SCAMP2: variants seen among roughly 807,000 people sequenced by gnomAD.
SCAMP2 encodes secretory carrier membrane protein 2.
SCAMP2 carries 25 observed loss-of-function variants against 44.1 expected under a neutral mutation model. The observed-to-expected ratio is 0.57, with a 90% confidence interval of 0.41 to 0.79. SCAMP2 has a LOEUF of 0.79. Among genes scored for constraint, SCAMP2 ranks in the 30% least tolerant of loss-of-function variants. The probability of loss-of-function intolerance (pLI) is 0.00; values close to 1 mark genes in which losing one functional copy is unlikely to be tolerated. For synonymous variants in SCAMP2, 156 were observed against 166.0 expected (o/e 0.94, Z 0.46); for missense variants, 355 against 411.0 (o/e 0.86, Z 1.18).
In SCAMP2 at chr15:74,853,121, G is replaced by A. The variant is rs974041138; in HGVS notation, c.225+900C>T. 21 of 295,980 alleles carry A rather than the reference G, an allele frequency of 7.1e-5. No homozygotes were observed. In the Admixed American group the frequency reaches 8.2e-4, roughly 12 times the overall value. The allele number at this position is 295,980 out of a possible 1,614,324, so 18.3% of individuals were successfully genotyped here. On this transcript the variant is annotated intron_variant, in intron 3 of 8. Coordinates refer to ENST00000268099, the MANE Select transcript of SCAMP2 (RefSeq NM_005697.5). ...GGCTGACGTGGAGAGCCAAGTTTCA[G>A]GCACTGGGGGCGGAAGCAGGAGCAG...
At position 74,845,514 on chromosome 15, in the gene SCAMP2, A is replaced by G; in HGVS notation, c.814T>C (p.Phe272Leu). 1.2e-6 allele frequency: 2 copies of G among 1,614,172 alleles called. No homozygotes were observed. The highest frequency in any genetic ancestry group is 1.7e-6 in the Non-Finnish European group (2 of 1,180,032). The change falls in exon 8 of 9, where the codon TTC (phenylalanine) becomes CTC (leucine). Residue 272 changes from phenylalanine to leucine, a missense_variant. Transcript: ENST00000268099. ...ACTGAGAGCACGGCACAGAGGGTGA[A>G]GAAGCCAGCCACCACCATCATGATG... ...SVIMMVVAGF[F>L]TLCAVLSVFL...
At chr15:74,853,801 T>A (rs1395351280) in intron 3 of SCAMP2, 4 of 583,182 alleles carry the variant, frequency 6.9e-6, no homozygotes, top group African/African-American at 1.9e-5. Context: ...TAGAGCTTAT[T>A]TCTCAGTGGT....
chr15:74,865,625 G>C (rs189375010), intron 1 of SCAMP2, among the ~76,000 whole-genome samples: 1 of 151,796 alleles, frequency 6.6e-6, no homozygotes, highest in East Asian at 1.9e-4. Flanking sequence ...TAGAGATCTA[G>C]ATCTGGGATC....
chr15:74,849,699 G>A (rs4886613), intron 6 of SCAMP2, among the ~76,000 whole-genome samples: 90,770 of 151,792 alleles, frequency 0.6, 28,599 homozygotes, highest in Middle Eastern at 0.72. Context: ...AGCCGAGATC[G>A]CATCATTGCA....
intron 3 of SCAMP2, chr15:74,852,923 C>G (rs1046214314): frequency 6.4e-6 from 1 of 156,280 alleles, no homozygotes; most frequent in Admixed American, 6.2e-5. Flanking sequence ...GGGCCCTGCA[C>G]CTGCTGGCAG....
At chr15:74,867,241 T>C (rs1451629414) in intron 1 of SCAMP2, among the ~76,000 whole-genome samples, 1 of 152,260 alleles carries the variant, frequency 6.6e-6, no homozygotes, top group Non-Finnish European at 1.5e-5. Context: ...ACTTGCTGGA[T>C]GGGTCACAGT....
intron 1 of SCAMP2, among the ~76,000 whole-genome samples, chr15:74,865,757 T>G (rs1253680932): frequency 9.2e-6 from 1 of 108,646 alleles, no homozygotes; most frequent in Non-Finnish European, 1.7e-5. Context: ...GAGACTAGCC[T>G]GGGCAACAAA....
At chr15:74,853,682 T>G in intron 3 of SCAMP2, 1 of 415,494 alleles carries the variant, frequency 2.4e-6, no homozygotes, top group South Asian at 2.2e-5. Context: ...AGAGAGAGAT[T>G]CTGGGCCCCA....
chr15:74,851,852 G>A (rs2064437364), intron 4 of SCAMP2: 2 of 458,724 alleles, frequency 4.4e-6, no homozygotes, highest in Non-Finnish European at 7.7e-6. Flanking sequence ...TGAGAGCTAG[G>A]AAGGAGTGCA....
intron 1 of SCAMP2, among the ~76,000 whole-genome samples, chr15:74,865,746 C>G (rs115191438): frequency 7.8e-6 from 1 of 127,810 alleles, no homozygotes; most frequent in Non-Finnish European, 1.6e-5. Flanking sequence ...TCCAGGAGTT[C>G]GAGACTAGCC....
At chr15:74,860,104 A>C (rs2064493248) in intron 1 of SCAMP2, among the ~76,000 whole-genome samples, 2 of 152,068 alleles carry the variant, frequency 1.3e-5, no homozygotes, top group Admixed American at 1.3e-4. Context: ...CTTTTTTTTC[A>C]TAGTAAAAAT....
At chr15:74,846,174 C>T (rs967406216) in intron 7 of SCAMP2, among the ~76,000 whole-genome samples, 7 of 151,618 alleles carry the variant, frequency 4.6e-5, no homozygotes, top group African/African-American at 1.7e-4. Context: ...CCCAGCTACT[C>T]GGGAGACTGA....
intron 1 of SCAMP2, among the ~76,000 whole-genome samples, chr15:74,871,361 G>T (rs1017252884): frequency 1.3e-5 from 2 of 151,240 alleles, no homozygotes; most frequent in African/African-American, 2.4e-5. Flanking sequence ...GGAGACTGAG[G>T]TGGGATTCAA....
rs750363423 is a variant in SCAMP2 at position 74,845,106 on chromosome 15, G to A, written c.967C>T (p.Gln323Ter). The change falls in exon 9 of 9, where the codon CAA becomes TAA. Residue 323 changes from glutamine to a stop codon, truncating the protein, a stop_gained. Coordinates refer to ENST00000268099, the MANE Select transcript of SCAMP2 (RefSeq NM_005697.5). LOFTEE classifies it high-confidence loss of function. ...GACTAATTCCCCTGGAAGGCTCCTT[G>A]GGCAGCAGATGAAGCAGCTCTGTGG... Reference protein sequence around the residue: ...TFHRAASSAAQGAFQGN With the variant: ...TFHRAASSAA 28 of 1,613,844 alleles carry A rather than the reference G, an allele frequency of 1.7e-5. No homozygotes were observed. The highest frequency in any genetic ancestry group is 2.4e-5 in the Non-Finnish European group (28 of 1,179,934).
Position 74,873,257 on chromosome 15 carries a change from G to A in SCAMP2, c.-2C>T. The A allele has an allele frequency of 2.0e-6, 3 of 1,473,382 alleles. No individual in the cohort carries two copies. The highest frequency in any genetic ancestry group is 2.7e-6 in the Non-Finnish European group (3 of 1,117,504). 91.3% of individuals were successfully genotyped at this position (1,473,382 alleles called of 1,614,324 possible). On this transcript the variant is annotated 5_prime_UTR_variant, in exon 1 of 9. Transcript: ENST00000268099. ...GGGGTTGGTGTCGAAAGCCGACATGGTGATCGGGGGCCAGCGGGCGAACTC... is the reference window on the plus strand; with the variant it reads ...GGGGTTGGTGTCGAAAGCCGACATGATGATCGGGGGCCAGCGGGCGAACTC...
intron 1 of SCAMP2, among the ~76,000 whole-genome samples, chr15:74,867,910 G>C (rs1374193917): frequency 6.6e-6 from 1 of 152,236 alleles, no homozygotes; most frequent in African/African-American, 2.4e-5. Flanking sequence ...TGGCAGAAGT[G>C]CTGAGTGGGA....
chr15:74,865,365 A>T (rs2064535295), intron 1 of SCAMP2, among the ~76,000 whole-genome samples: 1 of 146,632 alleles, frequency 6.8e-6, no homozygotes, highest in Admixed American at 7.1e-5. Context: ...TGGGCAACAG[A>T]GCAAGACTTT....
chr15:74,867,379 G>C (rs1038807474), intron 1 of SCAMP2, among the ~76,000 whole-genome samples: 4 of 152,196 alleles, frequency 2.6e-5, no homozygotes, highest in African/African-American at 7.2e-5. Flanking sequence ...AGACTTAACG[G>C]AAGAGTCAAA....
chr15:74,853,130 G>A, intron 3 of SCAMP2: 1 of 297,248 alleles, frequency 3.4e-6, no homozygotes, highest in South Asian at 2.8e-5. Flanking sequence ...AGGCACTGGG[G>A]GCGGAAGCAG....
Sources: gnomAD v4.1 joint callset for allele counts (sites outside exome capture counted in the v4.1 genomes callset) on GRCh38, gnomAD v4.1.1 for gene constraint, MANE v1.5 for transcripts, NCBI Gene and HGNC (gene_info 2026-07-23, HGNC 2026-07-21) for gene names.